ITM2C: variants seen among roughly 807,000 people sequenced by gnomAD.
ITM2C encodes the protein BRICHOS domain containing 2C.
Under a neutral mutation model 30.0 loss-of-function variants are expected in ITM2C, and 20 were observed. The ratio of observed to expected loss-of-function variants is 0.67; its 90% confidence interval spans 0.47 to 0.97. The LOEUF is 0.97. Ranked by LOEUF, ITM2C falls within the 50% of genes least tolerant of loss-of-function variation. The probability of loss-of-function intolerance (pLI) is 0.00; values close to 1 mark genes in which losing one functional copy is unlikely to be tolerated. For missense variants in ITM2C, 366 were observed against 371.9 expected, an observed-to-expected ratio of 0.98 and a Z score of 0.13; for synonymous variants, 167 against 156.4, an observed-to-expected ratio of 1.07 and a Z score of -0.51.
At chr2:230,868,471 A>ACACACACG (rs1697086331) in intron 1 of ITM2C, among the ~76,000 whole-genome samples, 1 of 150,466 alleles carries the variant, frequency 6.6e-6, no homozygotes, top group Non-Finnish European at 1.5e-5. Context: ...ACTCACACAC[A>ACACACACG]CACACACACA....
At position 230,865,230 on chromosome 2, in the gene ITM2C, G is replaced by T; in HGVS notation, c.120+85G>T. On this transcript the variant is annotated intron_variant, in intron 1 of 5. Coordinates refer to ENST00000326427, the MANE Select transcript of ITM2C (RefSeq NM_030926.6). The surrounding 1 kb of genome is among the most constrained non-coding windows in gnomAD (Gnocchi z 6.8). ...GCCCCGTCGGCCCTGGGGACTGCCC[G>T]AGGCGCGTCAGGGCCCCAGAGCCCG... 7.9e-7 allele frequency: 1 copy of T among 1,266,502 alleles called. No homozygotes were observed. The highest frequency in any genetic ancestry group is 1.0e-6 in the Non-Finnish European group (1 of 996,770). 78.5% of individuals were successfully genotyped at this position (1,266,502 alleles called of 1,614,324 possible). A position where few individuals can be genotyped will look rare whatever the true frequency, so the allele number is the denominator to read the frequency against.
chr2:230,867,440 A>T (rs546623587), intron 1 of ITM2C, among the ~76,000 whole-genome samples: 1 of 152,228 alleles, frequency 6.6e-6, no homozygotes, highest in Admixed American at 6.5e-5. Context: ...AGCAGTGAGC[A>T]GGCAGGAGGC....
At chr2:230,873,276 C>T (rs1697210123) in intron 1 of ITM2C, 141 bp from the exon 2 acceptor site, 1 of 761,452 alleles carries the variant, frequency 1.3e-6, no homozygotes, top group East Asian at 3.2e-5. Flanking sequence ...CCTTCCTTTC[C>T]CTTCTAGGTG....
intron 2 of ITM2C, among the ~76,000 whole-genome samples, chr2:230,874,157 G>T (rs887435885): frequency 6.6e-6 from 1 of 152,152 alleles, no homozygotes. Flanking sequence ...ATAAACCTAC[G>T]TACAACTCAC....
upstream of ITM2C, among the ~76,000 whole-genome samples, chr2:230,864,437 G>T (rs760131667): frequency 1.3e-5 from 2 of 152,172 alleles, no homozygotes; most frequent in Admixed American, 6.5e-5. This position sits in a 1 kb window ranked among gnomAD's most constrained non-coding sequence, Gnocchi z 4.3. Context: ...GCAGTTTGGC[G>T]CCTGTCTCAA....
chr2:230,871,296 T>G (rs1467887275), intron 1 of ITM2C, among the ~76,000 whole-genome samples: 1 of 152,248 alleles, frequency 6.6e-6, no homozygotes, highest in Non-Finnish European at 1.5e-5. Flanking sequence ...CACCTTTCCT[T>G]AAGACCTGCT....
intron 1 of ITM2C, among the ~76,000 whole-genome samples, chr2:230,872,724 T>A (rs1459029859): frequency 6.6e-6 from 1 of 151,974 alleles, no homozygotes; most frequent in Non-Finnish European, 1.5e-5. Context: ...GGGGCCAGTG[T>A]GGATCACAGG....
At position 230,877,060 on chromosome 2, in the gene ITM2C, G is replaced by C. The variant is rs896487962; in HGVS notation, c.561+93G>C. ...TAGGTCTGAGGTACAGGAAGTTCCTGTGTCAGGGGTTGGGGGAGCAAGAGA... is the reference window on the plus strand; with the variant it reads ...TAGGTCTGAGGTACAGGAAGTTCCTCTGTCAGGGGTTGGGGGAGCAAGAGA... On this transcript the variant is annotated intron_variant, in intron 4 of 5. Transcript: ENST00000326427. The surrounding 1 kb of genome is among the most constrained non-coding windows in gnomAD (Gnocchi z 4.8). The C allele has an allele frequency of 1.6e-5, 15 of 925,464 alleles. No individual in the cohort carries two copies. Among genetic ancestry groups the C allele is most frequent in the Non-Finnish European group, 2.4e-5 (14 of 576,924 alleles). 57.3% of individuals were successfully genotyped at this position (925,464 alleles called of 1,614,324 possible).
In ITM2C at chr2:230,877,340, C is replaced by T. The variant is rs539340747; in HGVS notation, c.562-60C>T. ...GAGGGAGGTGGGCTGGCATTTCGGG[C>T]GAGGGGTTGGACGAAAGCCTGAGGG... On this transcript the variant is annotated intron_variant, in intron 4 of 5. Transcript: ENST00000326427. The surrounding 1 kb of genome is among the most constrained non-coding windows in gnomAD (Gnocchi z 4.8). 166 of 1,570,576 alleles carry T rather than the reference C, an allele frequency of 1.1e-4. No individual in the cohort carries two copies. The highest frequency in any genetic ancestry group is 2.4e-4 in the Admixed American group (14 of 58,696).
At position 230,871,874 on chromosome 2, in the gene ITM2C, A is replaced by G. The variant is rs1697174374; in HGVS notation, c.121-1543A>G. Among the ~76,000 whole-genome samples the G allele has an allele frequency of 2.0e-5, 3 of 152,138 alleles. No homozygotes were observed. The South Asian group carries it at 6.2e-4, about 32-fold the overall frequency. Reference sequence around the variant, plus strand: ...CAGCTCCCCAGGGCCCAGGCCCCACACTCCCCTGTGCTCTAAAAGGGTGGG... The same window carrying G: ...CAGCTCCCCAGGGCCCAGGCCCCACGCTCCCCTGTGCTCTAAAAGGGTGGG... On this transcript the variant is annotated intron_variant, in intron 1 of 5. Coordinates refer to ENST00000326427, the MANE Select transcript of ITM2C (RefSeq NM_030926.6).
In ITM2C at chr2:230,876,984, G is replaced by A. The variant is rs373747996; in HGVS notation, c.561+17G>A. The A allele has an allele frequency of 2.6e-5, 40 of 1,529,556 alleles. No homozygotes were observed. The African/African-American group carries it at 5.3e-4, about 20-fold the overall frequency. The allele number at this position is 1,529,556 out of a possible 1,614,324, so 94.7% of individuals were successfully genotyped here. A position where few individuals can be genotyped will look rare whatever the true frequency, so the allele number is the denominator to read the frequency against. On this transcript the variant is annotated intron_variant, in intron 4 of 5. Coordinates refer to ENST00000326427, the MANE Select transcript of ITM2C (RefSeq NM_030926.6). ...AACGTGAAGGTGCGCAGGGGGTTGG[G>A]GGGATGTCTGCAGCATCCTGTCCCT...
Position 230,866,976 on chromosome 2 carries a change from A to T in ITM2C, c.120+1831A>T, listed in dbSNP as rs2125013289. 1.3e-5 allele frequency among the ~76,000 whole-genome samples: 2 copies of T among 152,308 alleles called. 1 individual carries two copies. Among genetic ancestry groups the T allele is most frequent in the South Asian group, 4.1e-4 (2 of 4,828 alleles). ...CATCTCGGGGCATAACTGACATCCT[A>T]GCTTCTGGCTTCTCATCAGGCTCTG... is the stretch of plus-strand genomic sequence containing the variant. On this transcript the variant is annotated intron_variant, in intron 1 of 5. Coordinates refer to ENST00000326427, the MANE Select transcript of ITM2C (RefSeq NM_030926.6).
At chr2:230,876,631 A>G (rs7567211) in intron 3 of ITM2C, among the ~76,000 whole-genome samples, 11,217 of 152,110 alleles carry the variant, frequency 0.074, 774 homozygotes, top group African/African-American at 0.17. Context: ...ACAGGTGCCC[A>G]CCACCACGCC....
At chr2:230,871,230 TC>T (rs1171590268) in intron 1 of ITM2C, among the ~76,000 whole-genome samples, 1 of 152,238 alleles carries the variant, frequency 6.6e-6, no homozygotes, top group African/African-American at 2.4e-5. Flanking sequence ...GTTTGTTGTG[TC>T]CCGAGGGCAG....
upstream of ITM2C, chr2:230,864,925 G>A (rs906156217): frequency 1.3e-4 from 161 of 1,253,874 alleles, no homozygotes; most frequent in Middle Eastern, 2.3e-4. The surrounding 1 kb of genome is among the most constrained non-coding windows in gnomAD (Gnocchi z 4.3). Flanking sequence ...GACGCGAGCG[G>A]GATCCAAACT....
intron 1 of ITM2C, among the ~76,000 whole-genome samples, chr2:230,869,837 C>G (rs1389574947): frequency 6.6e-6 from 1 of 151,994 alleles, no homozygotes; most frequent in African/African-American, 2.4e-5. Flanking sequence ...GGGAGAGGCC[C>G]AGGCCTCTCT....
At position 230,875,737 on chromosome 2, in the gene ITM2C, G is replaced by C. The variant is rs200242722; in HGVS notation, c.379G>C (p.Glu127Gln). 6.2e-7 allele frequency: 1 copy of C among 1,610,680 alleles called. No homozygotes were observed. Among genetic ancestry groups the C allele is most frequent in the Non-Finnish European group, 8.5e-7 (1 of 1,178,214 alleles). ...DVKIYLDENY[E>Q]RINVPVPQFG... is the part of the protein sequence containing the mutation. ...GAAAATCTACCTCGACGAGAACTAC[G>C]AGCGCATCAACGTGCCTGTGCCCCA... The change falls in exon 3 of 6, where the codon GAG (glutamate) becomes CAG (glutamine). Residue 127 changes from glutamate (E) to glutamine (Q), a missense_variant. By Grantham distance (29) the Glu-to-Gln change is conservative (BLOSUM62 2). Transcript: ENST00000326427.
rs1217215078 is a variant in ITM2C, at chr2:230,877,256, C to T, written c.562-144C>T. 7.6e-6 allele frequency: 6 copies of T among 789,502 alleles called. No individual in the cohort carries two copies. Among genetic ancestry groups the T allele is most frequent in the East Asian group, 2.6e-5 (1 of 38,358 alleles). 48.9% of individuals were successfully genotyped at this position (789,502 alleles called of 1,614,324 possible). On this transcript the variant is annotated intron_variant, in intron 4 of 5. Transcript: ENST00000326427. The surrounding 1 kb of genome is among the most constrained non-coding windows in gnomAD (Gnocchi z 4.8). The stretch of plus-strand genomic sequence containing the variant: ...CTCCTGGCAGCACAGGTGCAGGCAC[C>T]GGGCACAGGCAGGAAGTGCCTGAGG...
chr2:230,872,028 C>G (rs912335483), intron 1 of ITM2C, among the ~76,000 whole-genome samples: 6 of 152,236 alleles, frequency 3.9e-5, no homozygotes, highest in African/African-American at 1.4e-4. Context: ...GAAAGGAAAT[C>G]TGTTCCCATC....
Sources: allele counts gnomAD v4.1 joint callset (sites outside exome capture counted in the v4.1 genomes callset), GRCh38; gene constraint gnomAD v4.1.1; non-coding constraint Gnocchi (gnomAD v3.1); transcripts MANE v1.5; gene names NCBI Gene and HGNC (gene_info 2026-07-23, HGNC 2026-07-21).